RANBP1: variants seen among roughly 807,000 people sequenced by gnomAD.
The protein encoded by RANBP1 is ran-specific GTPase-activating protein.
RANBP1 carries 16 observed loss-of-function variants against 31.4 expected under a neutral mutation model. The observed-to-expected ratio is 0.51, with a 90% CI of 0.34 to 0.77. RANBP1 has a LOEUF of 0.77. Among genes scored for constraint, RANBP1 ranks in the 30% least tolerant of loss-of-function variants. The pLI is 0.01. For missense variants in RANBP1, 265 were observed against 362.0 expected, an observed-to-expected ratio of 0.73 and a Z score of 2.17; for synonymous variants, 129 against 140.5, an observed-to-expected ratio of 0.92 and a Z score of 0.58.
In RANBP1 at chr22:20,125,839, C is replaced by T. The variant is rs565879201; in HGVS notation, c.670+403C>T. On this transcript the variant is annotated intron_variant, in intron 4 of 5. Transcript: ENST00000430524. ...CCCCTCATGGTTGCCTGGGTGCCAG[C>T]AGGGGCTGGGCAGAGAGATCCACAG... Among the ~76,000 whole-genome samples, 3 of 152,360 alleles carry T rather than the reference C, an allele frequency of 2.0e-5. No homozygotes were observed. In the South Asian group the frequency reaches 6.2e-4, roughly 32 times the overall value.
intron 2 of RANBP1, 63 bp from the exon 3 acceptor site, chr22:20,122,201 C>T (rs749130224): frequency 1.7e-4 from 263 of 1,569,582 alleles, no homozygotes; most frequent in Non-Finnish European, 2.3e-4. Flanking sequence ...CCTGTGTCCT[C>T]CTGCGCAGGC....
At chr22:20,125,533 A>C in intron 4 of RANBP1, 97 bp downstream of exon 4, 1 of 1,542,680 alleles carries the variant, frequency 6.5e-7, no homozygotes, top group Non-Finnish European at 8.7e-7. Context: ...TTTTGGGGAG[A>C]GGGGGCAGTA....
At chr22:20,124,820 T>TC (rs5844407) in intron 3 of RANBP1, 21,749 of 168,488 alleles carry the variant, frequency 0.13, 2,409 homozygotes, top group East Asian at 0.52. Context: ...TGTGTTGGGT[T>TC]CCCTTAGGAA....
intron 1 of RANBP1, chr22:20,118,315 C>CATGT: frequency 1.0e-6 from 1 of 1,002,374 alleles, no homozygotes; most frequent in Non-Finnish European, 1.2e-6. Context: ...GTGACCAAGG[C>CATGT]ATGTGTTCTG....
chr22:20,118,342 AAT>A, intron 1 of RANBP1: 2 of 1,002,278 alleles, frequency 2.0e-6, no homozygotes, highest in South Asian at 4.7e-5. Flanking sequence ...TCGAACCTAA[AAT>A]ATGATTATTG....
Position 20,125,290 on chromosome 22 carries a change from G to A in RANBP1, c.542-18G>A, listed in dbSNP as rs200355667. On this transcript the variant is annotated intron_variant, in intron 3 of 5. Coordinates refer to ENST00000430524, the MANE Select transcript of RANBP1 (RefSeq NM_001278639.2). ...TTTGCAGTCATCTCACCATCTTCAC[G>A]AGCTTCTCTCTCTTCAGTCACGCCG... 27 of 1,611,370 alleles carry A rather than the reference G, an allele frequency of 1.7e-5. No homozygotes were observed. In the South Asian group the frequency reaches 2.0e-4, roughly 12 times the overall value.
intron 2 of RANBP1, among the ~76,000 whole-genome samples, chr22:20,121,302 C>T (rs1344657258): frequency 6.6e-6 from 1 of 151,644 alleles, no homozygotes; most frequent in Non-Finnish European, 1.5e-5. Context: ...CAGGCTGGTG[C>T]GCAATGGTGT....
At chr22:20,118,208 AGT>A in intron 1 of RANBP1, 2 of 1,002,428 alleles carry the variant, frequency 2.0e-6, no homozygotes, top group South Asian at 9.4e-5. Flanking sequence ...GCAGAGCCGC[AGT>A]GCTGTGGGGA....
intron 1 of RANBP1, among the ~76,000 whole-genome samples, chr22:20,118,667 CTG>C (rs775168162): frequency 3.9e-4 from 60 of 152,348 alleles, no homozygotes; most frequent in Non-Finnish European, 7.3e-4. Context: ...GAGGAAGAAA[CTG>C]ATGCTCAAAG....
rs61737481 is a variant in RANBP1 at position 20,116,430 on chromosome 22, G to A, written c.246G>A (p.Glu82=). 1,058 of 1,612,720 alleles carry A rather than the reference G, an allele frequency of 6.6e-4. 5 individuals carry two copies. In the African/African-American group the frequency reaches 0.011, roughly 16 times the overall value. ...TFCSSSLKIS[E]DTHEDHDTST... ...GCAGCTCCAGTTTAAAGATCTCAGA[G>A]GTAAACAAGTCATCCCTGATGTAGC... Residue 82 remains glutamate, a splice_region_variant and synonymous_variant, in exon 1 of 6, where the codon GAG becomes GAA. Transcript: ENST00000430524.
intron 1 of RANBP1, among the ~76,000 whole-genome samples, chr22:20,118,599 G>A (rs2147974753): frequency 6.6e-6 from 1 of 152,280 alleles, no homozygotes; most frequent in Non-Finnish European, 1.5e-5. Context: ...AATCTATTTC[G>A]ACCCATCATT....
intron 1 of RANBP1, 172 bp downstream of exon 1, chr22:20,116,602 G>A (rs1319552588): frequency 1.3e-6 from 2 of 1,541,382 alleles, no homozygotes; most frequent in Non-Finnish European, 1.7e-6. Flanking sequence ...GCTCTCCATG[G>A]GCTTCGGGCC....
At chr22:20,119,325 A>G (rs1201584942) in intron 2 of RANBP1, 176 bp downstream of exon 2, 1 of 630,848 alleles carries the variant, frequency 1.6e-6, no homozygotes, top group African/African-American at 1.8e-5. Flanking sequence ...AATCTTCACC[A>G]GATGCCCTTG....
intron 3 of RANBP1, 74 bp from the exon 4 acceptor site, chr22:20,125,234 G>T: frequency 6.4e-7 from 1 of 1,569,890 alleles, no homozygotes; most frequent in Non-Finnish European, 8.7e-7. Flanking sequence ...TGAGCAGGGT[G>T]CTCTGTGGCC....
At chr22:20,121,210 C>T (rs995530178) in intron 2 of RANBP1, among the ~76,000 whole-genome samples, 6 of 152,012 alleles carry the variant, frequency 3.9e-5, no homozygotes, top group Non-Finnish European at 8.8e-5. Context: ...GCCTTGGCCT[C>T]CCAAAGTGCT....
In RANBP1 at chr22:20,125,812, G is replaced by A. The variant is rs567765406; in HGVS notation, c.670+376G>A. Among the ~76,000 whole-genome samples the A allele has an allele frequency of 5.3e-5, 8 of 152,366 alleles. No homozygotes were observed. In the South Asian group the frequency reaches 1.7e-3, roughly 32 times the overall value. ...AGGCTTCTGGTTCACTGGGGCCAGG[G>A]GCCCCTCATGGTTGCCTGGGTGCCA... On this transcript the variant is annotated intron_variant, in intron 4 of 5. Coordinates refer to ENST00000430524, the MANE Select transcript of RANBP1 (RefSeq NM_001278639.2).
chr22:20,116,956 G>A (rs752780034), intron 1 of RANBP1: 5 of 1,567,448 alleles, frequency 3.2e-6, no homozygotes, highest in Non-Finnish European at 4.3e-6. Flanking sequence ...GGGCCGCCTG[G>A]CCACCTCGTC....
chr22:20,118,133 T>TCCTA (rs1304326203), intron 1 of RANBP1: 7 of 1,000,818 alleles, frequency 7.0e-6, no homozygotes, highest in Non-Finnish European at 8.4e-6. Context: ...GGGGCACAGG[T>TCCTA]CCTAGATGCG....
chr22:20,120,790 G>A (rs1329987812), intron 2 of RANBP1, among the ~76,000 whole-genome samples: 1 of 152,198 alleles, frequency 6.6e-6, no homozygotes, highest in Non-Finnish European at 1.5e-5. Flanking sequence ...GGGATTACAG[G>A]TGTGAGCCAC....
Sources: allele counts gnomAD v4.1 joint callset (sites outside exome capture counted in the v4.1 genomes callset), GRCh38; gene constraint gnomAD v4.1.1; transcripts MANE v1.5; gene names NCBI Gene and HGNC (gene_info 2026-07-23, HGNC 2026-07-21).